The following PDE1C variants were observed in gnomAD, a reference collection of about 807,000 sequenced individuals.
The protein encoded by PDE1C is dual specificity calcium/calmodulin-dependent 3',5'-cyclic nucleotide phosphodiesterase 1C.
PDE1C carries 62 observed loss-of-function variants against 93.1 expected under a neutral mutation model. That is an observed-to-expected ratio of 0.67 (90% CI 0.54 to 0.82). PDE1C has a LOEUF of 0.82. Ranked by LOEUF, PDE1C falls within the 40% of genes least tolerant of loss-of-function variation. PDE1C has a pLI of 0.00. For synonymous variants in PDE1C, 325 were observed against 310.1 expected, an observed-to-expected ratio of 1.05 and a Z score of -0.50; for missense variants, 742 against 884.6, an observed-to-expected ratio of 0.84 and a Z score of 2.04.
At chr7:31,959,359 T>C (rs770693171) in intron 2 of PDE1C, among the ~76,000 whole-genome samples, 8 of 152,016 alleles carry the variant, frequency 5.3e-5, no homozygotes, top group Non-Finnish European at 4.4e-5. Context: ...ATTATAAGTG[T>C]GCACAACTAC....
At chr7:32,210,193 T>C (rs1276139708) in intron 1 of PDE1C, among the ~76,000 whole-genome samples, 1 of 152,230 alleles carries the variant, frequency 6.6e-6, no homozygotes, top group Non-Finnish European at 1.5e-5. Flanking sequence ...ATGTCCCTTA[T>C]AACTTATGAA....
chr7:31,805,308 T>C (rs575930330), intron 16 of PDE1C, among the ~76,000 whole-genome samples: 1 of 151,820 alleles, frequency 6.6e-6, no homozygotes, highest in South Asian at 2.1e-4. Flanking sequence ...TGGTGTGCAA[T>C]TTAAAACTTA....
In PDE1C at chr7:31,850,731, G is replaced by A. The variant is rs377062465; in HGVS notation, c.761C>T (p.Thr254Met). Residue 254 changes from threonine to methionine, a missense_variant, in exon 8 of 18, where the codon ACG becomes ATG. By Grantham distance (81) the Thr-to-Met change is moderately conservative (BLOSUM62 -1). Around this residue, in one of 4 missense-constraint regions of PDE1C, gnomAD observed 205 missense variants for 295.3 expected, o/e 0.69. Transcript: ENST00000396191. ...LYKTGVANWL[T>M]ELEIFAIIFS... ...GATTATAGCAAAGATCTCCAGCTCC[G>A]TCAGCCAGTTCTGAAAGGAGATTAC... 27 of 1,610,712 alleles carry A rather than the reference G, an allele frequency of 1.7e-5. No individual in the cohort carries two copies. Among genetic ancestry groups the A allele is most frequent in the Admixed American group, 8.3e-5 (5 of 59,932 alleles).
At chr7:31,625,999 T>TA in the PDE1C span, among the ~76,000 whole-genome samples, 9 of 152,284 alleles carry the variant, frequency 5.9e-5, no homozygotes, top group African/African-American at 1.7e-4. Context: ...CTATGACTTT[T>TA]AAAAAAACTT....
chr7:31,964,206 G>C (rs1056754164), intron 2 of PDE1C, among the ~76,000 whole-genome samples: 5 of 152,224 alleles, frequency 3.3e-5, no homozygotes, highest in African/African-American at 1.2e-4. Flanking sequence ...CCCTTTCCTA[G>C]TCAAAGAAAG....
chr7:32,208,003 T>C, intron 2 of PDE1C, among the ~76,000 whole-genome samples: 1 of 152,204 alleles, frequency 6.6e-6, no homozygotes, highest in Admixed American at 6.5e-5. Context: ...AAAAGCATAT[T>C]CTTCAACCTC....
At chr7:32,093,971 T>A (rs990831626) in intron 3 of PDE1C, among the ~76,000 whole-genome samples, 1 of 152,156 alleles carries the variant, frequency 6.6e-6, no homozygotes, top group African/African-American at 2.4e-5. Context: ...GGAGAGAAGG[T>A]TGAATGCGTC....
At chr7:31,787,423 T>C (rs1415317324) in intron 16 of PDE1C, 2 of 152,174 alleles carry the variant, frequency 1.3e-5, no homozygotes, top group Non-Finnish European at 2.9e-5. Flanking sequence ...CTAAGAAAGA[T>C]TGGCACAAAT....
At chr7:31,711,364 C>T in the PDE1C span, among the ~76,000 whole-genome samples, 652 of 152,278 alleles carry the variant, frequency 4.3e-3, 3 homozygotes, top group African/African-American at 0.015. Context: ...GTCTTTTTCC[C>T]ATTTCATCTC....
At position 31,760,485 on chromosome 7, in the gene PDE1C, AT is replaced by A. The variant is rs1334594877; in HGVS notation, c.1961-6933del. Among the ~76,000 whole-genome samples the A allele has an allele frequency of 7.9e-5, 12 of 152,176 alleles. No individual in the cohort carries two copies. In the East Asian group the frequency reaches 2.1e-3, roughly 27 times the overall value. On this transcript the variant is annotated intron_variant, in intron 17 of 17. Coordinates refer to ENST00000396191, the MANE Select transcript of PDE1C (RefSeq NM_001191057.4). ...CATAGCACTGGCCTTGGTCCTTTCA[AT>A]CCACTGTGACTTCAGTGTGACCTTT...
intron 2 of PDE1C, among the ~76,000 whole-genome samples, chr7:31,972,042 C>T (rs1471972233): frequency 2.0e-5 from 3 of 152,146 alleles, no homozygotes; most frequent in African/African-American, 7.2e-5. Context: ...CTGCTTCTTG[C>T]CTAACCCTGG....
At chr7:32,358,961 C>G (rs1221950462) in intron 1 of PDE1C, among the ~76,000 whole-genome samples, 1 of 149,610 alleles carries the variant, frequency 6.7e-6, no homozygotes, top group Non-Finnish European at 1.5e-5. Flanking sequence ...CTTCTGAGCT[C>G]TCTTCTCAGC....
At chr7:32,183,538 C>G (rs1803597549) in intron 2 of PDE1C, among the ~76,000 whole-genome samples, 1 of 151,960 alleles carries the variant, frequency 6.6e-6, no homozygotes, top group African/African-American at 2.4e-5. Context: ...CTGACAAAAA[C>G]AAGAAATGGG....
rs545605138 is a variant in PDE1C, at chr7:32,289,460, A to G, written c.85+9191T>C. ...GTCAGCTATTTCATAAATGGTGAAC[A>G]TAACAACTTATCAATTCACATTTTG... is the stretch of plus-strand genomic sequence containing the variant. On this transcript the variant is annotated intron_variant, in intron 1 of 18. Coordinates refer to the PDE1C transcript ENST00000396193. Among the ~76,000 whole-genome samples the G allele has an allele frequency of 2.2e-4, 34 of 152,364 alleles. No individual in the cohort carries two copies. The South Asian group carries it at 6.6e-3, about 30-fold the overall frequency.
the PDE1C span, among the ~76,000 whole-genome samples, chr7:31,698,591 T>G: frequency 6.6e-6 from 1 of 152,238 alleles, no homozygotes; most frequent in African/African-American, 2.4e-5. Flanking sequence ...TGCAGAAGTC[T>G]AATCTTCAAA....
intron 3 of PDE1C, among the ~76,000 whole-genome samples, chr7:32,086,117 C>T (rs1189794661): frequency 2.0e-5 from 3 of 148,104 alleles, no homozygotes; most frequent in African/African-American, 7.6e-5. Flanking sequence ...ACTGTTTCAG[C>T]CCAAAATCTC....
chr7:32,290,391 A>G (rs1295444972), intron 1 of PDE1C, among the ~76,000 whole-genome samples: 1 of 152,262 alleles, frequency 6.6e-6, no homozygotes, highest in East Asian at 1.9e-4. Context: ...TCTTGCCCAC[A>G]CCCTGATTTC....
intron 2 of PDE1C, among the ~76,000 whole-genome samples, chr7:31,993,983 T>C (rs1453566063): frequency 6.6e-6 from 1 of 152,112 alleles, no homozygotes; most frequent in Non-Finnish European, 1.5e-5. Context: ...ATAGAATAAA[T>C]AACCTCCAAT....
At chr7:32,080,445 T>C (rs1237830671) in intron 3 of PDE1C, among the ~76,000 whole-genome samples, 2 of 152,164 alleles carry the variant, frequency 1.3e-5, no homozygotes, top group African/African-American at 4.8e-5. Context: ...ACCTCAGACA[T>C]GGACACAAAC....
Sources: gnomAD v4.1 joint callset for allele counts (sites outside exome capture counted in the v4.1 genomes callset) on GRCh38, gnomAD v4.1.1 for gene constraint, gnomAD v4.1.1 regional missense constraint, MANE v1.5 for transcripts, NCBI Gene and HGNC (gene_info 2026-07-23, HGNC 2026-07-21) for gene names.